The following PCDH9 variants were observed in gnomAD, a reference collection of about 807,000 sequenced individuals.
The protein encoded by PCDH9 is protocadherin 9, also known as protocadherin-9.
PCDH9 carries 24 observed loss-of-function variants against 70.6 expected under a neutral mutation model. The observed-to-expected ratio is 0.34, with a 90% CI of 0.25 to 0.48. The LOEUF (loss-of-function observed/expected upper bound fraction) is 0.48. Ranked by LOEUF, PCDH9 falls within the 20% of genes least tolerant of loss-of-function variation. PCDH9 has a pLI of 0.99. For synonymous variants in PCDH9, 562 were observed against 558.5 expected (o/e 1.01, Z -0.09); for missense variants, 1,281 against 1,503.6 (o/e 0.85, Z 2.45).
chr13:66,580,522 G>A (rs962328385), intron 4 of PCDH9, among the ~76,000 whole-genome samples: 3 of 151,858 alleles, frequency 2.0e-5, no homozygotes, highest in African/African-American at 7.2e-5. Context: ...GAGTGGGGTA[G>A]TGTGGGAGTA....
chr13:67,076,932 T>C (rs1277891417), intron 2 of PCDH9, among the ~76,000 whole-genome samples: 1 of 152,120 alleles, frequency 6.6e-6, no homozygotes, highest in African/African-American at 2.4e-5. Context: ...TTTTAACGTC[T>C]GATTATGTGT....
chr13:66,656,770 C>A (rs1363313812), intron 3 of PCDH9, among the ~76,000 whole-genome samples: 1 of 152,080 alleles, frequency 6.6e-6, no homozygotes, highest in East Asian at 1.9e-4. Flanking sequence ...TTACAAAATT[C>A]CAAGTTTGAA....
chr13:66,422,982 A>G (rs958387773), intron 4 of PCDH9, among the ~76,000 whole-genome samples: 4 of 152,274 alleles, frequency 2.6e-5, no homozygotes, highest in African/African-American at 9.6e-5. Context: ...GGAGATCACC[A>G]CTGATCCCTA....
intron 3 of PCDH9, among the ~76,000 whole-genome samples, chr13:66,765,507 A>T (rs1270176428): frequency 6.6e-6 from 1 of 151,968 alleles, no homozygotes; most frequent in Non-Finnish European, 1.5e-5. Flanking sequence ...ATGAATAGAG[A>T]TGTCTAATAC....
At chr13:66,935,587 G>A (rs1341092099) in intron 2 of PCDH9, among the ~76,000 whole-genome samples, 3 of 152,074 alleles carry the variant, frequency 2.0e-5, no homozygotes, top group African/African-American at 7.2e-5. Context: ...AGGAAAATTT[G>A]TGTATAATTA....
At chr13:66,794,557 C>G (rs547741431) in intron 3 of PCDH9, among the ~76,000 whole-genome samples, 20 of 152,192 alleles carry the variant, frequency 1.3e-4, no homozygotes, top group Admixed American at 1.3e-3. Flanking sequence ...CCATCTGTTC[C>G]TTAGGATAAC....
At position 67,029,069 on chromosome 13, in the gene PCDH9, AT is replaced by A. The variant is rs1227554469; in HGVS notation, c.3037-125465del. 3.3e-5 allele frequency among the ~76,000 whole-genome samples: 5 copies of A among 152,218 alleles called. No individual in the cohort carries two copies. In the East Asian group the frequency reaches 9.6e-4, roughly 29 times the overall value. ...ACTTAAACACTGGTTATGCAAAAAA[AT>A]AAAAATAAATGAGGAAAAATATGAT... On this transcript the variant is annotated intron_variant, in intron 2 of 4. Transcript: ENST00000377865.
At chr13:66,701,550 C>T (rs773511878) in intron 3 of PCDH9, among the ~76,000 whole-genome samples, 27 of 152,150 alleles carry the variant, frequency 1.8e-4, no homozygotes, top group Non-Finnish European at 3.8e-4. Flanking sequence ...TCTTAATTAC[C>T]ATGATTGTCT....
At chr13:66,806,562 T>C (rs558864055) in intron 3 of PCDH9, among the ~76,000 whole-genome samples, 65 of 152,320 alleles carry the variant, frequency 4.3e-4, no homozygotes, top group Middle Eastern at 6.8e-3. Flanking sequence ...CTACAGTTTC[T>C]ACAGCCCACA....
chr13:66,507,134 C>T (rs936622052), intron 4 of PCDH9, among the ~76,000 whole-genome samples: 3 of 152,280 alleles, frequency 2.0e-5, no homozygotes, highest in African/African-American at 7.2e-5. Flanking sequence ...TTTCCCCCTG[C>T]TGTAATATTA....
At chr13:66,653,505 G>T (rs2077881234) in intron 3 of PCDH9, among the ~76,000 whole-genome samples, 1 of 152,034 alleles carries the variant, frequency 6.6e-6, no homozygotes, top group Non-Finnish European at 1.5e-5. Context: ...CAAAAGACAG[G>T]CCATAACAAA....
intron 2 of PCDH9, among the ~76,000 whole-genome samples, chr13:66,986,275 C>A (rs1156629246): frequency 6.8e-6 from 1 of 147,818 alleles, no homozygotes; most frequent in Non-Finnish European, 1.5e-5. Flanking sequence ...CAATTACCTC[C>A]CACCATGTCC....
chr13:67,174,276 ATAGC>A lies in PCDH9; in HGVS notation c.3036+51125_3036+51128del, dbSNP rs1031967160. On this transcript the variant is annotated intron_variant, in intron 2 of 4. Transcript: ENST00000377865. ...CTATAGATAGATAGATAGATGATAG[ATAGC>A]TAGATAGACAGATGATAGATAGATA... 1.1e-3 allele frequency among the ~76,000 whole-genome samples: 165 copies of A among 151,950 alleles called. 2 individuals are homozygous for A. Among genetic ancestry groups the A allele is most frequent in the Admixed American group, 3.2e-3 (48 of 15,214 alleles).
rs529779456 is a variant in PCDH9 at position 66,893,484 on chromosome 13, T to A, written c.3138+10020A>T. Among the ~76,000 whole-genome samples, 203 of 152,314 alleles carry A rather than the reference T, an allele frequency of 1.3e-3. 1 individual carries two copies. Among genetic ancestry groups the A allele is most frequent in the South Asian group, 4.8e-3 (23 of 4,834 alleles). The stretch of plus-strand genomic sequence containing the variant: ...GGTCATCTCTTGATGCCTTCACTTA[T>A]TCAACCATAAATAAGAAGCCATAGG... On this transcript the variant is annotated intron_variant, in intron 3 of 4. Coordinates refer to ENST00000377865, the MANE Select transcript of PCDH9 (RefSeq NM_203487.3).
At position 66,924,752 on chromosome 13, in the gene PCDH9, C is replaced by T. The variant is rs113888274; in HGVS notation, c.3037-21147G>A. 9.6e-3 allele frequency among the ~76,000 whole-genome samples: 1,461 copies of T among 151,746 alleles called. 32 individuals carry two copies. Among genetic ancestry groups the T allele is most frequent in the African/African-American group, 0.034 (1,395 of 41,462 alleles). On this transcript the variant is annotated intron_variant, in intron 2 of 4. Coordinates refer to ENST00000377865, the MANE Select transcript of PCDH9 (RefSeq NM_203487.3). ...ACAAAAATGTAAAACATAATACCTGCAGGTATGCTCAATATTAAAGGAATT... is the reference window on the plus strand; with the variant it reads ...ACAAAAATGTAAAACATAATACCTGTAGGTATGCTCAATATTAAAGGAATT...
intron 4 of PCDH9, among the ~76,000 whole-genome samples, chr13:66,495,721 A>G (rs1449778539): frequency 2.0e-5 from 3 of 152,142 alleles, no homozygotes; most frequent in African/African-American, 7.2e-5. Flanking sequence ...TATTGGCTGC[A>G]TTTCTGCCTG....
At chr13:66,506,142 T>C (rs9540775) in intron 4 of PCDH9, among the ~76,000 whole-genome samples, 24,472 of 152,148 alleles carry the variant, frequency 0.16, 2,356 homozygotes, top group Non-Finnish European at 0.21. Flanking sequence ...CTTCATTGCC[T>C]TCCTTATCCT....
intron 3 of PCDH9, among the ~76,000 whole-genome samples, chr13:66,754,501 T>C (rs1263079502): frequency 6.6e-6 from 1 of 152,124 alleles, no homozygotes; most frequent in African/African-American, 2.4e-5. Flanking sequence ...AAGTCATTTC[T>C]GAAGCAAATT....
chr13:66,697,382 C>G (rs986834936), intron 3 of PCDH9, among the ~76,000 whole-genome samples: 2 of 152,060 alleles, frequency 1.3e-5, no homozygotes, highest in Middle Eastern at 3.2e-3. Flanking sequence ...ATTACAGGCT[C>G]TCACATACAT....
Sources: allele counts gnomAD v4.1 joint callset (sites outside exome capture counted in the v4.1 genomes callset), GRCh38; gene constraint gnomAD v4.1.1; transcripts MANE v1.5; gene names NCBI Gene and HGNC (gene_info 2026-07-23, HGNC 2026-07-21).